MAP3K13: variants seen among roughly 807,000 people sequenced by gnomAD.
MAP3K13 encodes mitogen-activated protein kinase kinase kinase 13.
A neutral mutation model predicts 104.0 loss-of-function variants in MAP3K13; 52 were observed. The observed-to-expected ratio is 0.50, with a 90% CI of 0.40 to 0.63. MAP3K13 has a LOEUF of 0.63. Among genes scored for constraint, MAP3K13 ranks in the 20% least tolerant of loss-of-function variants. The probability of loss-of-function intolerance (pLI) is 0.00; values close to 1 mark genes in which losing one functional copy is unlikely to be tolerated. For synonymous variants in MAP3K13, 394 were observed against 442.2 expected (o/e 0.89, Z 1.37); for missense variants, 914 against 1,218.5 (o/e 0.75, Z 3.72).
intron 2 of MAP3K13, among the ~76,000 whole-genome samples, chr3:185,337,421 A>G (rs918791101): frequency 3.3e-5 from 5 of 152,252 alleles, no homozygotes; most frequent in Non-Finnish European, 5.9e-5. Flanking sequence ...CACAAAGTAA[A>G]CACACGCTTT....
intron 2 of MAP3K13, among the ~76,000 whole-genome samples, chr3:185,433,785 C>T (rs775712027): frequency 2.8e-4 from 43 of 152,166 alleles, no homozygotes; most frequent in African/African-American, 9.6e-4. Context: ...TTTTTTATTG[C>T]AATACTCGGA....
Position 185,304,666 on chromosome 3 carries a change from C to T in MAP3K13, c.-86+19023C>T, listed in dbSNP as rs186494482. Reference sequence around the variant, plus strand: ...CTCTTTTTTTTGAGACAGAGTCTCTCATTGTCACCCAGGCTGGAGTACAGT... The same window carrying T: ...CTCTTTTTTTTGAGACAGAGTCTCTTATTGTCACCCAGGCTGGAGTACAGT... On this transcript the variant is annotated intron_variant, in intron 2 of 14. Coordinates refer to the MAP3K13 transcript ENST00000424227. Among the ~76,000 whole-genome samples the T allele has an allele frequency of 2.8e-3, 420 of 152,128 alleles. 7 individuals are homozygous for T. Among genetic ancestry groups the T allele is most frequent in the Non-Finnish European group, 1.2e-3 (84 of 68,002 alleles).
intron 1 of MAP3K13, among the ~76,000 whole-genome samples, chr3:185,424,369 GTAAAAAAGGC>G (rs1714298586): frequency 6.6e-6 from 1 of 152,162 alleles, no homozygotes; most frequent in Non-Finnish European, 1.5e-5. Flanking sequence ...CCATCGTGTT[GTAAAAAAGGC>G]AAAGGATTTG....
At chr3:185,342,854 C>T (rs1181412857) in intron 2 of MAP3K13, among the ~76,000 whole-genome samples, 1 of 152,240 alleles carries the variant, frequency 6.6e-6, no homozygotes, top group Non-Finnish European at 1.5e-5. Flanking sequence ...CTGAGGGTCT[C>T]ACATAGCTTC....
At chr3:185,397,091 A>G (rs1232975658) in intron 1 of MAP3K13, among the ~76,000 whole-genome samples, 2 of 152,136 alleles carry the variant, frequency 1.3e-5, no homozygotes, top group Non-Finnish European at 2.9e-5. Context: ...GAATCTTACA[A>G]TTGAAAGACA....
intron 10 of MAP3K13, among the ~76,000 whole-genome samples, chr3:185,468,591 A>G (rs1717595492): frequency 6.6e-6 from 1 of 152,224 alleles, no homozygotes; most frequent in African/African-American, 2.4e-5. Flanking sequence ...TAAATGCAGT[A>G]AGAATAGAGC....
At position 185,454,284 on chromosome 3, in the gene MAP3K13, T is replaced by TATATATATGATAC. The variant is rs1716111371; in HGVS notation, c.1278+2895_1278+2896insATGATACATATAT. ...TATGAGATATATATCATATATATGATATATATGAGATATATATCATATATA... is the reference window on the plus strand; with the variant it reads ...TATGAGATATATATCATATATATGATATATATATGATACATATATGAGATATATATCATATATA... On this transcript the variant is annotated intron_variant, in intron 7 of 13. Coordinates refer to ENST00000265026, the MANE Select transcript of MAP3K13 (RefSeq NM_004721.5). Among the ~76,000 whole-genome samples, 2 of 107,948 alleles carry TATATATATGATAC rather than the reference T, an allele frequency of 1.9e-5. 1 individual carries two copies. Among genetic ancestry groups the TATATATATGATAC allele is most frequent in the African/African-American group, 7.7e-5 (2 of 25,842 alleles). The allele number at this position is 107,948 out of a possible 152,430, so 70.8% of individuals were successfully genotyped here.
At chr3:185,331,043 C>G (rs1290263013) in intron 2 of MAP3K13, among the ~76,000 whole-genome samples, 1 of 151,830 alleles carries the variant, frequency 6.6e-6, no homozygotes, top group Non-Finnish European at 1.5e-5. Context: ...TAAAATGGCA[C>G]CCTACTCCAC....
rs540613456 is a variant in MAP3K13 at position 185,335,674 on chromosome 3, A to G, written c.-86+50031A>G. On this transcript the variant is annotated intron_variant, in intron 2 of 14. Transcript: ENST00000424227. ...ATGTAACCTATGCACATCCTCTCAT[A>G]TACTTTAAATCATCTCTAATTATTT... 3.9e-5 allele frequency among the ~76,000 whole-genome samples: 6 copies of G among 152,310 alleles called. No individual in the cohort carries two copies. In the East Asian group the frequency reaches 9.6e-4, roughly 24 times the overall value.
At chr3:185,321,606 G>A (rs1374067154) in intron 2 of MAP3K13, among the ~76,000 whole-genome samples, 1 of 150,254 alleles carries the variant, frequency 6.7e-6, no homozygotes, top group Admixed American at 6.6e-5. Flanking sequence ...TTTGATGTTT[G>A]TTTGTTTGTT....
intron 2 of MAP3K13, chr3:185,292,956 A>C: frequency 1.0e-6 from 1 of 983,748 alleles, no homozygotes; most frequent in Non-Finnish European, 1.2e-6. Context: ...AGAACATAGA[A>C]TATTTCACAA....
chr3:185,343,976 G>GA (rs1490140083), intron 2 of MAP3K13, among the ~76,000 whole-genome samples: 1 of 152,172 alleles, frequency 6.6e-6, no homozygotes, highest in Admixed American at 6.5e-5. Flanking sequence ...AGATACAGTG[G>GA]AAAAACATTT....
intron 7 of MAP3K13, among the ~76,000 whole-genome samples, chr3:185,455,497 C>T (rs372091930): frequency 1.1e-3 from 10 of 9,010 alleles, no homozygotes; most frequent in African/African-American, 3.6e-3. Flanking sequence ...GAGATATATA[C>T]ATGAGATATA....
At chr3:185,380,122 G>A (rs1253040376) in intron 1 of MAP3K13, among the ~76,000 whole-genome samples, 1 of 152,002 alleles carries the variant, frequency 6.6e-6, no homozygotes, top group South Asian at 2.1e-4. Flanking sequence ...GGAGGCAGAG[G>A]TTGCAGTGAG....
chr3:185,460,020 G>T (rs769975989), intron 7 of MAP3K13, among the ~76,000 whole-genome samples: 1 of 152,112 alleles, frequency 6.6e-6, no homozygotes, highest in Non-Finnish European at 1.5e-5. Flanking sequence ...CAAGGTTCAC[G>T]TATTTTGTAG....
intron 1 of MAP3K13, among the ~76,000 whole-genome samples, chr3:185,386,873 G>C (rs1049499326): frequency 6.6e-6 from 1 of 152,104 alleles, no homozygotes; most frequent in African/African-American, 2.4e-5. Flanking sequence ...ACACATGGTG[G>C]GGAACAACAC....
At position 185,389,948 on chromosome 3, in the gene MAP3K13, T is replaced by A. The variant is rs943193749; in HGVS notation, c.-86+26580T>A. Among the ~76,000 whole-genome samples, 3 of 152,216 alleles carry A rather than the reference T, an allele frequency of 2.0e-5. No individual in the cohort carries two copies. The South Asian group carries it at 6.2e-4, about 32-fold the overall frequency. On this transcript the variant is annotated intron_variant, in intron 1 of 13. Transcript: ENST00000265026. Reference sequence around the variant, plus strand: ...TTGTGAAAAGAGGTCTTTGCAAATGTCTTTAATGTCCGACTTAATAGATGA... The same window carrying A: ...TTGTGAAAAGAGGTCTTTGCAAATGACTTTAATGTCCGACTTAATAGATGA...
chr3:185,300,786 C>T (rs1405727249), intron 2 of MAP3K13, among the ~76,000 whole-genome samples: 1 of 152,248 alleles, frequency 6.6e-6, no homozygotes, highest in African/African-American at 2.4e-5. Context: ...GCCACCACGC[C>T]TGGCCTACCT....
At chr3:185,304,525 T>C (rs916628152) in intron 2 of MAP3K13, among the ~76,000 whole-genome samples, 1 of 152,222 alleles carries the variant, frequency 6.6e-6, no homozygotes, top group Non-Finnish European at 1.5e-5. Context: ...ATATTTATAA[T>C]TGCTATTTCT....
Sources: gnomAD v4.1 joint callset for allele counts (sites outside exome capture counted in the v4.1 genomes callset) on GRCh38, gnomAD v4.1.1 for gene constraint, MANE v1.5 for transcripts, NCBI Gene and HGNC (gene_info 2026-07-23, HGNC 2026-07-21) for gene names.